The following NAALAD2 variants were observed in gnomAD, a reference collection of about 807,000 sequenced individuals.
The protein encoded by NAALAD2 is N-acetylated-alpha-linked acidic dipeptidase 2.
Under a neutral mutation model 95.6 loss-of-function variants are expected in NAALAD2, and 89 were observed. The ratio of observed to expected loss-of-function variants is 0.93; its 90% CI spans 0.78 to 1.11. The LOEUF (loss-of-function observed/expected upper bound fraction) is 1.11. Ranked by LOEUF, NAALAD2 falls within the 50% of genes least tolerant of loss-of-function variation. The pLI is 0.00. For missense variants in NAALAD2, 894 were observed against 872.4 expected (o/e 1.02, Z -0.31); for synonymous variants, 264 against 294.4 (o/e 0.90, Z 1.06).
At chr11:90,176,221 G>A (rs80299386) in intron 15 of NAALAD2, among the ~76,000 whole-genome samples, 159 bp downstream of exon 15, 2,465 of 152,248 alleles carry the variant, frequency 0.016, 59 homozygotes, top group African/African-American at 0.056. Context: ...GATGGACAAG[G>A]AAGCAATTTG....
chr11:90,177,398 T>C (rs1952824448), intron 15 of NAALAD2, among the ~76,000 whole-genome samples: 1 of 151,664 alleles, frequency 6.6e-6, no homozygotes, highest in South Asian at 2.1e-4. Context: ...TAATTTTAGT[T>C]ATCGAAGATA....
At chr11:90,162,851 C>T (rs577286449) in intron 8 of NAALAD2, 98 bp from the exon 9 acceptor site, 1 of 670,104 alleles carries the variant, frequency 1.5e-6, no homozygotes, top group Non-Finnish European at 2.5e-6. Context: ...CACAGCTTTT[C>T]ATAATAAAAC....
At chr11:90,154,401 G>A (rs1951973156) in intron 6 of NAALAD2, among the ~76,000 whole-genome samples, 1 of 151,852 alleles carries the variant, frequency 6.6e-6, no homozygotes, top group Non-Finnish European at 1.5e-5. Context: ...ACATAGAGAT[G>A]ATCATATGTT....
Position 90,158,184 on chromosome 11 carries a change from T to TC in NAALAD2, c.841dup (p.Arg281ProfsTer10). 6.2e-7 allele frequency: 1 copy of TC among 1,610,616 alleles called. No homozygotes were observed. Among genetic ancestry groups the TC allele is most frequent in the Non-Finnish European group, 8.5e-7 (1 of 1,178,092 alleles). On this transcript the variant is annotated frameshift_variant, in exon 7 of 19. Coordinates refer to ENST00000534061, the MANE Select transcript of NAALAD2 (RefSeq NM_005467.4). LOFTEE classifies it high-confidence loss of function. ...CTTGATGTTGAAGAAGGAGTGGGAA[T>TC]CCCCCGAATACCTGTACATCCCATT...
At chr11:90,165,216 G>A (rs1952406707) in intron 11 of NAALAD2, among the ~76,000 whole-genome samples, 1 of 152,156 alleles carries the variant, frequency 6.6e-6, no homozygotes, top group Non-Finnish European at 1.5e-5. Context: ...CATCAAGTCT[G>A]TCATTGATGG....
At chr11:90,167,420 C>G (rs1432699135) in intron 11 of NAALAD2, among the ~76,000 whole-genome samples, 1 of 152,206 alleles carries the variant, frequency 6.6e-6, no homozygotes, top group Non-Finnish European at 1.5e-5. Flanking sequence ...CATGCCTGAG[C>G]CTGCGCCCCC....
rs74905785 is a variant in NAALAD2, at chr11:90,139,586, T to C, written c.194+3916T>C. Among the ~76,000 whole-genome samples, 752 of 152,284 alleles carry C rather than the reference T, an allele frequency of 4.9e-3. 11 individuals are homozygous for C. Among genetic ancestry groups the C allele is most frequent in the African/African-American group, 0.017 (718 of 41,576 alleles). On this transcript the variant is annotated intron_variant, in intron 2 of 18. Transcript: ENST00000534061. Reference sequence around the variant, plus strand: ...TGCTCCTCCTCTTATCTCGACACTTTAAGTTAAACTTCTTTCTAAATGTAT... The same window carrying C: ...TGCTCCTCCTCTTATCTCGACACTTCAAGTTAAACTTCTTTCTAAATGTAT...
chr11:90,186,635 G>A (rs184131940), intron 18 of NAALAD2, among the ~76,000 whole-genome samples: 5,845 of 151,254 alleles, frequency 0.039, 156 homozygotes, highest in Non-Finnish European at 0.057. Flanking sequence ...GTAGAAAGCT[G>A]AAACTGGATC....
intron 5 of NAALAD2, 36 bp downstream of exon 5, chr11:90,150,643 G>A (rs1225138840): frequency 6.6e-7 from 1 of 1,512,532 alleles, no homozygotes; most frequent in Non-Finnish European, 9.0e-7. Flanking sequence ...GAGAATGAGA[G>A]GATATATATA....
intron 7 of NAALAD2, chr11:90,158,587 C>T (rs1213581149): frequency 4.8e-6 from 1 of 206,478 alleles, no homozygotes; most frequent in East Asian, 1.6e-4. Context: ...CAATGCCCCC[C>T]ACTTACTAGA....
In NAALAD2 at chr11:90,174,014, A is replaced by G. The variant is rs570634141; in HGVS notation, c.1502+99A>G. ...CATGAAATTCTCAAGCGTCTCATCA[A>G]TAATTTGAGCCAAGAAAAGATAATG... On this transcript the variant is annotated intron_variant, in intron 14 of 18. Transcript: ENST00000534061. The G allele has an allele frequency of 7.1e-6, 6 of 846,074 alleles. 1 individual carries two copies. In the South Asian group the frequency reaches 9.6e-5, roughly 14 times the overall value. The allele number at this position is 846,074 out of a possible 1,614,324, so 52.4% of individuals were successfully genotyped here.
At chr11:90,143,830 C>T (rs1237000410) in intron 2 of NAALAD2, among the ~76,000 whole-genome samples, 3 of 152,112 alleles carry the variant, frequency 2.0e-5, no homozygotes, top group African/African-American at 4.8e-5. Context: ...ACTTTCAATG[C>T]GTTTATAGGA....
At chr11:90,155,674 G>A (rs1952082173) in intron 6 of NAALAD2, among the ~76,000 whole-genome samples, 1 of 42,536 alleles carries the variant, frequency 2.4e-5, no homozygotes, top group Admixed American at 3.1e-4. Flanking sequence ...ATTATTGTAT[G>A]TATGTAATAC....
At chr11:90,159,393 T>A in intron 8 of NAALAD2, 56 bp downstream of exon 8, 6 of 1,293,166 alleles carry the variant, frequency 4.6e-6, no homozygotes, top group Non-Finnish European at 6.7e-6. Context: ...AATGGAAACA[T>A]GTCAAGATAA....
chr11:90,157,996 G>T lies in NAALAD2; in HGVS notation c.797-149G>T, dbSNP rs139827811. 1.4e-3 allele frequency: 856 copies of T among 599,800 alleles called. 7 individuals carry two copies. The African/African-American group carries it at 0.015, about 10-fold the overall frequency. 37.2% of individuals were successfully genotyped at this position (599,800 alleles called of 1,614,324 possible). A position where few individuals can be genotyped will look rare whatever the true frequency, so the allele number is the denominator to read the frequency against. ...TGCCTCCGAAAGTGCTGGGATGACA[G>T]GTGTGAGCCACCACGCCTGGCCAGG... On this transcript the variant is annotated intron_variant, in intron 6 of 18. Transcript: ENST00000534061.
At chr11:90,170,455 GTC>G (rs1359127230) in intron 13 of NAALAD2, among the ~76,000 whole-genome samples, 1 of 152,178 alleles carries the variant, frequency 6.6e-6, no homozygotes, top group African/African-American at 2.4e-5. Context: ...TTAAAAAACT[GTC>G]TTAGCTACTC....
chr11:90,173,908 T>G lies in NAALAD2; in HGVS notation c.1495T>G (p.Leu499Val). ...EKDPSPENKN[L>V]PRINKLGSGS... ...AGACCCTTCACCTGAAAATAAAAAT[T>G]TGCCTAGGTAAGTTACTGATATGCA... Residue 499 changes from leucine to valine, a missense_variant, in exon 14 of 19, where the codon TTG becomes GTG. Leu to Val is a conservative substitution (Grantham distance 32, BLOSUM62 1). Coordinates refer to ENST00000534061, the MANE Select transcript of NAALAD2 (RefSeq NM_005467.4). 1 of 1,610,582 alleles carries G rather than the reference T, an allele frequency of 6.2e-7. No individual in the cohort carries two copies. The highest frequency in any genetic ancestry group is 8.5e-7 in the Non-Finnish European group (1 of 1,177,874).
chr11:90,186,255 C>T (rs1382434664), intron 18 of NAALAD2, among the ~76,000 whole-genome samples: 3 of 151,284 alleles, frequency 2.0e-5, no homozygotes, highest in Admixed American at 6.6e-5. Flanking sequence ...TCAATTCCCA[C>T]CTATGAGTGA....
intron 2 of NAALAD2, among the ~76,000 whole-genome samples, chr11:90,141,808 T>C (rs567864746): frequency 6.6e-6 from 1 of 152,278 alleles, no homozygotes; most frequent in Admixed American, 6.5e-5. Context: ...TGTAGATTCA[T>C]TGAAATTTTC....
Sources: gnomAD v4.1 joint callset for allele counts (sites outside exome capture counted in the v4.1 genomes callset) on GRCh38, gnomAD v4.1.1 for gene constraint, MANE v1.5 for transcripts, NCBI Gene and HGNC (gene_info 2026-07-23, HGNC 2026-07-21) for gene names.